Variants in CWF19L2 observed in about 807,000 individuals in gnomAD.
CWF19L2 encodes CWF19 like cell cycle control factor 2.
Under a neutral mutation model 111.7 loss-of-function variants are expected in CWF19L2, and 98 were observed. That is an observed-to-expected ratio of 0.88 (90% confidence interval 0.75 to 1.04). CWF19L2 has a LOEUF of 1.04. Among genes scored for constraint, CWF19L2 ranks in the 50% least tolerant of loss-of-function variants. CWF19L2 has a pLI of 0.00. For synonymous variants in CWF19L2, 351 were observed against 342.9 expected, an observed-to-expected ratio of 1.02 and a Z score of -0.26; for missense variants, 1,101 against 1,051.4, an observed-to-expected ratio of 1.05 and a Z score of -0.65.
intron 8 of CWF19L2, among the ~76,000 whole-genome samples, chr11:107,423,120 G>C (rs995393606): frequency 6.6e-5 from 10 of 151,858 alleles, no homozygotes; most frequent in Admixed American, 6.6e-4. Context: ...TGTTTTATTA[G>C]TTGTACTTTT....
At chr11:107,367,683 G>C (rs539739580) in intron 12 of CWF19L2, among the ~76,000 whole-genome samples, 1 of 76,106 alleles carries the variant, frequency 1.3e-5, no homozygotes, top group Non-Finnish European at 2.5e-5. Flanking sequence ...GTTGTGGGGT[G>C]GGGGGAGGGG....
intron 7 of CWF19L2, among the ~76,000 whole-genome samples, chr11:107,429,806 C>CAAAAAAAAA (rs33980353): frequency 9.5e-6 from 1 of 105,698 alleles, no homozygotes; most frequent in Non-Finnish European, 2.0e-5. Flanking sequence ...AGATTCTCAC[C>CAAAAAAAAA]AAAAAAAAAA....
intron 10 of CWF19L2, among the ~76,000 whole-genome samples, chr11:107,414,248 C>T (rs1221174141): frequency 1.3e-5 from 2 of 151,940 alleles, no homozygotes; most frequent in Admixed American, 1.3e-4. Flanking sequence ...GGCTGGAGTA[C>T]AGTGGTGCAA....
chr11:107,362,178 C>T (rs1860358094), intron 12 of CWF19L2, among the ~76,000 whole-genome samples: 1 of 139,874 alleles, frequency 7.1e-6, no homozygotes, highest in South Asian at 2.3e-4. Flanking sequence ...GTCCTACGCC[C>T]ACGGAGTCTC....
In CWF19L2 at chr11:107,353,649, C is replaced by G; in HGVS notation, c.1960G>C (p.Glu654Gln). ...ATAGCTTTTTTCCTTTGGTTCTCTT[C>G]CTCTTCACCAAGACGTTCTCTCTCA... The part of the protein sequence containing the change: ...AAERERLGEE[E>Q]ENQRKKAIAE... The change falls in exon 13 of 18, where the codon GAA (glutamate) becomes CAA (glutamine). Residue 654 changes from glutamate (E) to glutamine (Q), a missense_variant. Coordinates refer to ENST00000282251, the MANE Select transcript of CWF19L2 (RefSeq NM_152434.3). 1.9e-6 allele frequency: 3 copies of G among 1,613,794 alleles called. No homozygotes were observed. Among genetic ancestry groups the G allele is most frequent in the Non-Finnish European group, 2.5e-6 (3 of 1,179,754 alleles).
At chr11:107,354,578 A>G (rs943594661) in intron 12 of CWF19L2, among the ~76,000 whole-genome samples, 1 of 152,200 alleles carries the variant, frequency 6.6e-6, no homozygotes, top group Non-Finnish European at 1.5e-5. Flanking sequence ...TGCAAGTCTA[A>G]AATGAAGTTC....
At chr11:107,453,582 G>A (rs34358550) in intron 3 of CWF19L2, among the ~76,000 whole-genome samples, 19,152 of 151,742 alleles carry the variant, frequency 0.13, 1,535 homozygotes, top group Non-Finnish European at 0.17. Context: ...GAGACTTGCT[G>A]GATTCAGGTG....
At chr11:107,361,744 G>T (rs1307123786) in intron 12 of CWF19L2, among the ~76,000 whole-genome samples, 1 of 152,142 alleles carries the variant, frequency 6.6e-6, no homozygotes, top group Non-Finnish European at 1.5e-5. Flanking sequence ...TTGTAAATGG[G>T]ATTACCTTGA....
At chr11:107,404,406 G>A in intron 10 of CWF19L2, 1 of 785,928 alleles carries the variant, frequency 1.3e-6, no homozygotes, top group South Asian at 1.3e-5. Flanking sequence ...GGCTTTGGGG[G>A]TTTTGGAATT....
intron 10 of CWF19L2, among the ~76,000 whole-genome samples, chr11:107,408,093 A>G (rs951386130): frequency 1.1e-4 from 17 of 151,976 alleles, no homozygotes; most frequent in African/African-American, 3.6e-4. Context: ...TAGCCTCAGA[A>G]CATTCTCTGG....
At chr11:107,445,604 T>A (rs1472261491) in intron 3 of CWF19L2, among the ~76,000 whole-genome samples, 1 of 143,844 alleles carries the variant, frequency 7.0e-6, no homozygotes. Context: ...AACTCCGCCT[T>A]AAAAAAAAAA....
At chr11:107,394,006 T>C (rs1860886755) in intron 10 of CWF19L2, among the ~76,000 whole-genome samples, 1 of 152,102 alleles carries the variant, frequency 6.6e-6, no homozygotes, top group Non-Finnish European at 1.5e-5. Context: ...AACCTGCATA[T>C]GCAACCCCTG....
chr11:107,327,080 C>T, intron 17 of CWF19L2, 27 bp from the exon 18 acceptor site: 1 of 1,559,116 alleles, frequency 6.4e-7, no homozygotes, highest in Non-Finnish European at 8.6e-7. Context: ...AAAGCACAAA[C>T]ACAAGCATGT....
At chr11:107,396,083 G>C (rs1457754756) in intron 10 of CWF19L2, among the ~76,000 whole-genome samples, 1 of 152,008 alleles carries the variant, frequency 6.6e-6, no homozygotes, top group Non-Finnish European at 1.5e-5. Context: ...CTCCATTTTG[G>C]GTACGCAAGA....
chr11:107,375,409 A>G (rs1860583439), intron 12 of CWF19L2, among the ~76,000 whole-genome samples: 1 of 139,160 alleles, frequency 7.2e-6, no homozygotes, highest in African/African-American at 2.8e-5. Context: ...AACAGAAATT[A>G]TAACAAATTC....
intron 2 of CWF19L2, 21 bp downstream of exon 2, chr11:107,455,645 C>T (rs750372056): frequency 8.5e-5 from 118 of 1,384,662 alleles, no homozygotes; most frequent in Non-Finnish European, 1.1e-4. Flanking sequence ...CCTTACATCA[C>T]GTAAACCTGT....
intron 14 of CWF19L2, among the ~76,000 whole-genome samples, chr11:107,343,602 A>G (rs1037805747): frequency 4.0e-5 from 6 of 150,366 alleles, no homozygotes; most frequent in Admixed American, 4.0e-4. Flanking sequence ...TTCTATTTTT[A>G]TTTTTTTTGT....
chr11:107,451,081 T>C (rs968767945), intron 3 of CWF19L2, among the ~76,000 whole-genome samples: 4 of 151,982 alleles, frequency 2.6e-5, no homozygotes, highest in African/African-American at 9.7e-5. Flanking sequence ...TTCACCAAAA[T>C]AGATCATAGG....
intron 10 of CWF19L2, among the ~76,000 whole-genome samples, chr11:107,411,932 C>A (rs144569442): frequency 6.6e-6 from 1 of 152,146 alleles, no homozygotes; most frequent in African/African-American, 2.4e-5. Context: ...TTAGTCCTAT[C>A]GAATGGAAGT....
Sources: gnomAD v4.1 joint callset for allele counts (sites outside exome capture counted in the v4.1 genomes callset) on GRCh38, gnomAD v4.1.1 for gene constraint, MANE v1.5 for transcripts, NCBI Gene and HGNC (gene_info 2026-07-23, HGNC 2026-07-21) for gene names.